ST8SIA5: variants seen among roughly 807,000 people sequenced by gnomAD.
The protein encoded by ST8SIA5 is alpha-2,8-sialyltransferase 8E.
ST8SIA5 carries 24 observed loss-of-function variants against 40.2 expected under a neutral mutation model. The ratio of observed to expected loss-of-function variants is 0.60; its 90% CI spans 0.43 to 0.84. The LOEUF (loss-of-function observed/expected upper bound fraction) is 0.84, where lower values mean the gene tolerates loss of function less well. Among genes scored for constraint, ST8SIA5 ranks in the 40% least tolerant of loss-of-function variants. The pLI is 0.00. For missense variants in ST8SIA5, 465 were observed against 498.5 expected, an observed-to-expected ratio of 0.93 and a Z score of 0.64; for synonymous variants, 198 against 201.8, an observed-to-expected ratio of 0.98 and a Z score of 0.16.
At chr18:46,726,855 T>C (rs1599138366) in intron 1 of ST8SIA5, among the ~76,000 whole-genome samples, 1 of 152,096 alleles carries the variant, frequency 6.6e-6, no homozygotes, top group South Asian at 2.1e-4. Flanking sequence ...GAGGCGGAGG[T>C]TGCAGTGAGT....
Position 46,674,830 on chromosome 18 carries a change from A to G in ST8SIA5, c.*5212T>C, listed in dbSNP as rs1266761000. 1 of 152,650 alleles carries G rather than the reference A, an allele frequency of 6.6e-6. No individual in the cohort carries two copies. The highest frequency in any genetic ancestry group is 1.5e-5 in the Non-Finnish European group (1 of 68,438). The allele number at this position is 152,650 out of a possible 1,614,324, so 9.5% of individuals were successfully genotyped here. A position where few individuals can be genotyped will look rare whatever the true frequency, so the allele number is the denominator to read the frequency against. On this transcript the variant is annotated 3_prime_UTR_variant, in exon 7 of 7. Coordinates refer to ENST00000315087, the MANE Select transcript of ST8SIA5 (RefSeq NM_013305.6). ...CAAAAGTGGCCAGATAAAAGGAAGGAGAGAGGAACTTAGGAGTGTGAGGGC... is the reference window on the plus strand; with the variant it reads ...CAAAAGTGGCCAGATAAAAGGAAGGGGAGAGGAACTTAGGAGTGTGAGGGC...
intron 1 of ST8SIA5, among the ~76,000 whole-genome samples, chr18:46,726,939 C>T (rs192394439): frequency 6.6e-6 from 1 of 152,066 alleles, no homozygotes; most frequent in South Asian, 2.1e-4. Flanking sequence ...ACAACAACAA[C>T]AAAAAACAAG....
chr18:46,748,728 C>CA (rs33959869), intron 1 of ST8SIA5, among the ~76,000 whole-genome samples: 51,359 of 149,856 alleles, frequency 0.34, 9,515 homozygotes, highest in African/African-American at 0.48. Flanking sequence ...GGCTATAATC[C>CA]AAAAAAAAAG....
At chr18:46,698,665 A>G (rs752798030) in intron 2 of ST8SIA5, among the ~76,000 whole-genome samples, 1 of 152,260 alleles carries the variant, frequency 6.6e-6, no homozygotes, top group African/African-American at 2.4e-5. Context: ...TATTTACTTG[A>G]GAATGGGTGG....
At chr18:46,717,020 C>G (rs1403575368) in intron 1 of ST8SIA5, among the ~76,000 whole-genome samples, 2 of 152,212 alleles carry the variant, frequency 1.3e-5, no homozygotes, top group Admixed American at 1.3e-4. Context: ...GTCTGGGGGA[C>G]TCCTGCCTCA....
At chr18:46,746,702 G>A (rs1451383713) in intron 1 of ST8SIA5, among the ~76,000 whole-genome samples, 2 of 151,336 alleles carry the variant, frequency 1.3e-5, no homozygotes, top group African/African-American at 4.9e-5. Flanking sequence ...TTTCGTCACA[G>A]AATTGGAAAA....
chr18:46,745,415 A>G (rs1645455952), intron 1 of ST8SIA5, among the ~76,000 whole-genome samples: 1 of 152,226 alleles, frequency 6.6e-6, no homozygotes, highest in South Asian at 2.1e-4. Context: ...AATACAAACT[A>G]TCATCAGAGA....
chr18:46,749,664 A>C (rs879127367), intron 1 of ST8SIA5, among the ~76,000 whole-genome samples: 1 of 152,256 alleles, frequency 6.6e-6, no homozygotes, highest in Admixed American at 6.5e-5. Context: ...TAGAAAATAT[A>C]ACTTTTTAAA....
At chr18:46,734,063 T>C (rs1301123092) in intron 1 of ST8SIA5, among the ~76,000 whole-genome samples, 2 of 152,016 alleles carry the variant, frequency 1.3e-5, no homozygotes, top group African/African-American at 4.8e-5. Context: ...GGTAAGGAGA[T>C]GGGCCCCTCA....
chr18:46,707,718 G>A (rs1232368861), intron 1 of ST8SIA5, among the ~76,000 whole-genome samples: 1 of 152,214 alleles, frequency 6.6e-6, no homozygotes, highest in African/African-American at 2.4e-5. Context: ...GTATTAGGAG[G>A]TGGGGCCACT....
rs1394891515 is a variant in ST8SIA5, at chr18:46,692,232, T to C, written c.248A>G (p.Asp83Gly). ...LSMVKQSELF[D>G]RWKSLQMCKW... ...GCACATCTGGAGGCTCTTCCACCTGTCGAACAGCTCTGACTGCTTCACCCT... is the reference window on the plus strand; with the variant it reads ...GCACATCTGGAGGCTCTTCCACCTGCCGAACAGCTCTGACTGCTTCACCCT... The change falls in exon 3 of 7, where the codon GAC (aspartate) becomes GGC (glycine). Residue 83 changes from aspartate (D) to glycine (G), a missense_variant. Physicochemically the swap from Asp to Gly is moderately conservative, Grantham distance 94 (BLOSUM62 -1). Coordinates refer to ENST00000315087, the MANE Select transcript of ST8SIA5 (RefSeq NM_013305.6). 6.2e-7 allele frequency: 1 copy of C among 1,614,106 alleles called. No homozygotes were observed. Among genetic ancestry groups the C allele is most frequent in the South Asian group, 1.1e-5 (1 of 91,078 alleles).
intron 3 of ST8SIA5, among the ~76,000 whole-genome samples, chr18:46,691,029 T>C (rs2039499973): frequency 6.6e-6 from 1 of 152,208 alleles, no homozygotes; most frequent in Non-Finnish European, 1.5e-5. Flanking sequence ...CAGGTCTCAC[T>C]CGCCCCCAGG....
At chr18:46,744,147 C>G (rs1412170265) in intron 1 of ST8SIA5, among the ~76,000 whole-genome samples, 1 of 152,232 alleles carries the variant, frequency 6.6e-6, no homozygotes, top group Non-Finnish European at 1.5e-5. Context: ...TATGAAGAAA[C>G]TGCATCAATT....
intron 1 of ST8SIA5, among the ~76,000 whole-genome samples, chr18:46,726,814 G>T (rs1345370403): frequency 6.6e-6 from 1 of 152,232 alleles, no homozygotes; most frequent in African/African-American, 2.4e-5. Context: ...AGCTACTCAG[G>T]AGGCTGAGGC....
intron 4 of ST8SIA5, 54 bp from the exon 5 acceptor site, chr18:46,686,340 T>A: frequency 1.4e-6 from 2 of 1,463,404 alleles, no homozygotes; most frequent in Non-Finnish European, 9.6e-7. Flanking sequence ...TGCCTCGACC[T>A]GCTACTCTCA....
At chr18:46,680,540 C>T (rs1394776294) in intron 6 of ST8SIA5, 30 bp from the exon 7 acceptor site, 1 of 1,528,324 alleles carries the variant, frequency 6.5e-7, no homozygotes, top group Admixed American at 1.9e-5. Flanking sequence ...GAGGTGAGCA[C>T]CCACTCCTCC....
chr18:46,701,107 G>A (rs996810892), intron 2 of ST8SIA5, among the ~76,000 whole-genome samples: 13 of 133,812 alleles, frequency 9.7e-5, no homozygotes, highest in African/African-American at 3.3e-4. Flanking sequence ...ACCATATAAT[G>A]AAACCGTATT....
chr18:46,751,867 C>CTGAT (rs2040198683), intron 1 of ST8SIA5, among the ~76,000 whole-genome samples: 1 of 152,172 alleles, frequency 6.6e-6, no homozygotes, highest in African/African-American at 2.4e-5. Flanking sequence ...TTGAAAAACA[C>CTGAT]TGATGTCAGT....
intron 1 of ST8SIA5, among the ~76,000 whole-genome samples, chr18:46,753,491 T>C (rs1396117982): frequency 1.3e-5 from 2 of 150,876 alleles, no homozygotes; most frequent in African/African-American, 4.9e-5. Flanking sequence ...GAGAATGGCC[T>C]GAACCCGGGA....
Sources: gnomAD v4.1 joint callset for allele counts (sites outside exome capture counted in the v4.1 genomes callset) on GRCh38, gnomAD v4.1.1 for gene constraint, MANE v1.5 for transcripts, NCBI Gene and HGNC (gene_info 2026-07-23, HGNC 2026-07-21) for gene names.